Variants in CCSER1 observed in about 807,000 individuals in gnomAD.
CCSER1 encodes the protein coiled-coil serine rich protein 1.
CCSER1 carries 41 observed loss-of-function variants against 82.0 expected under a neutral mutation model. The ratio of observed to expected loss-of-function variants is 0.50; its 90% CI spans 0.39 to 0.65. CCSER1 has a LOEUF of 0.65. Among genes scored for constraint, CCSER1 ranks in the 30% least tolerant of loss-of-function variants. CCSER1 has a pLI of 0.00. For missense variants in CCSER1, 1,119 were observed against 1,064.2 expected, an observed-to-expected ratio of 1.05 and a Z score of -0.72; for synonymous variants, 414 against 383.9, an observed-to-expected ratio of 1.08 and a Z score of -0.92.
At chr4:90,729,134 T>C (rs1744247605) in intron 7 of CCSER1, among the ~76,000 whole-genome samples, 1 of 152,148 alleles carries the variant, frequency 6.6e-6, no homozygotes, top group East Asian at 1.9e-4. Flanking sequence ...CATTAGGTTC[T>C]TATAAGGTTA....
chr4:90,148,455 A>T (rs2153347676), intron 1 of CCSER1, among the ~76,000 whole-genome samples: 1 of 152,278 alleles, frequency 6.6e-6, no homozygotes, highest in African/African-American at 2.4e-5. Context: ...TATAAAACAA[A>T]CAAAAGGCAC....
intron 6 of CCSER1, among the ~76,000 whole-genome samples, chr4:90,703,292 T>G (rs1738551639): frequency 6.6e-6 from 1 of 152,246 alleles, no homozygotes; most frequent in African/African-American, 2.4e-5. Flanking sequence ...TTTGAGTGAC[T>G]TTCTTAATCC....
At chr4:91,376,387 T>C (rs1750413928) in intron 10 of CCSER1, among the ~76,000 whole-genome samples, 1 of 152,246 alleles carries the variant, frequency 6.6e-6, no homozygotes, top group East Asian at 1.9e-4. Context: ...TGTAACACAA[T>C]GGGAAGTATT....
At chr4:91,443,111 T>A (rs865823708) in intron 10 of CCSER1, among the ~76,000 whole-genome samples, 1 of 152,152 alleles carries the variant, frequency 6.6e-6, no homozygotes, top group Middle Eastern at 3.4e-3. Context: ...GACCCAGCCA[T>A]CCCATTACTG....
Position 90,889,747 on chromosome 4 carries a change from A to G in CCSER1, c.2095-33623A>G, listed in dbSNP as rs944992428. Among the ~76,000 whole-genome samples the G allele has an allele frequency of 2.4e-4, 36 of 152,178 alleles. 1 individual carries two copies. The highest frequency in any genetic ancestry group is 7.4e-5 in the Non-Finnish European group (5 of 68,012). ...AGCATGGATGATCCTTGATGACATT[A>G]TGCTAGCAGTGTCATACATTCTAAC... On this transcript the variant is annotated intron_variant, in intron 8 of 10. Coordinates refer to ENST00000509176, the MANE Select transcript of CCSER1 (RefSeq NM_001145065.2).
At chr4:90,881,994 C>G (rs925141240) in intron 8 of CCSER1, among the ~76,000 whole-genome samples, 2 of 152,052 alleles carry the variant, frequency 1.3e-5, no homozygotes. Context: ...GAAGAAATAA[C>G]TACTACATTA....
At chr4:90,941,736 T>C (rs1318341591) in intron 9 of CCSER1, among the ~76,000 whole-genome samples, 1 of 152,202 alleles carries the variant, frequency 6.6e-6, no homozygotes, top group Non-Finnish European at 1.5e-5. Context: ...CAATATTATA[T>C]GCTGGCACCT....
At chr4:91,361,978 C>T (rs1479465627) in intron 10 of CCSER1, among the ~76,000 whole-genome samples, 1 of 151,722 alleles carries the variant, frequency 6.6e-6, no homozygotes, top group African/African-American at 2.4e-5. Flanking sequence ...CAAAAAACCT[C>T]TCTGAGCAGA....
Position 91,548,573 on chromosome 4 carries a change from T to A in CCSER1, c.2218-49999T>A, listed in dbSNP as rs1019619339. Among the ~76,000 whole-genome samples the A allele has an allele frequency of 3.3e-5, 5 of 152,078 alleles. 1 individual carries two copies. Among genetic ancestry groups the A allele is most frequent in the Admixed American group, 3.3e-4 (5 of 15,252 alleles). ...CAACAAATTCCTTCAATTTTTTTTT[T>A]TTTGAAAGTCTTTATTTCTCCTTCA... On this transcript the variant is annotated intron_variant, in intron 10 of 10. Transcript: ENST00000509176.
chr4:90,835,188 G>A lies in CCSER1; in HGVS notation c.2094+19343G>A, dbSNP rs972438066. ...CTACTAAAAATACAAAAAATTAGCCGGGCGTGGTGGTGGACGCCTGTAGTC... is the reference window on the plus strand; with the variant it reads ...CTACTAAAAATACAAAAAATTAGCCAGGCGTGGTGGTGGACGCCTGTAGTC... On this transcript the variant is annotated intron_variant, in intron 8 of 10. Coordinates refer to ENST00000509176, the MANE Select transcript of CCSER1 (RefSeq NM_001145065.2). Among the ~76,000 whole-genome samples, 14 of 152,118 alleles carry A rather than the reference G, an allele frequency of 9.2e-5. No homozygotes were observed. The East Asian group carries it at 1.4e-3, about 15-fold the overall frequency.
chr4:91,079,903 C>A (rs1385218861), intron 9 of CCSER1, among the ~76,000 whole-genome samples: 1 of 152,054 alleles, frequency 6.6e-6, no homozygotes, highest in Non-Finnish European at 1.5e-5. Context: ...ACAGGAGCAC[C>A]CAGATTCATG....
chr4:90,258,093 G>A (rs1419340270), intron 1 of CCSER1, among the ~76,000 whole-genome samples: 5 of 152,130 alleles, frequency 3.3e-5, no homozygotes, highest in Non-Finnish European at 5.9e-5. Context: ...GAAAGGAAGC[G>A]ATCTCAAACT....
At chr4:91,474,818 C>CATATATATATATATATATAT (rs1560700803) in intron 10 of CCSER1, among the ~76,000 whole-genome samples, 4 of 142,138 alleles carry the variant, frequency 2.8e-5, no homozygotes, top group African/African-American at 1.1e-4. Context: ...TATATACACA[C>CATATATATATATATATATAT]ACACACACAC....
intron 9 of CCSER1, among the ~76,000 whole-genome samples, chr4:90,957,418 T>C (rs1023394562): frequency 2.1e-5 from 3 of 145,250 alleles, no homozygotes; most frequent in Admixed American, 7.1e-5. Flanking sequence ...ATATTTCTAA[T>C]TGAGGTGACT....
chr4:90,660,858 A>G (rs1730637382), intron 6 of CCSER1, among the ~76,000 whole-genome samples: 1 of 152,192 alleles, frequency 6.6e-6, no homozygotes, highest in Non-Finnish European at 1.5e-5. Flanking sequence ...CAATCTTAGA[A>G]TGCTTCCAAT....
chr4:90,665,147 G>A (rs577638181), intron 6 of CCSER1, among the ~76,000 whole-genome samples: 2 of 152,046 alleles, frequency 1.3e-5, no homozygotes, highest in Admixed American at 1.3e-4. Context: ...ATATTAGGTG[G>A]TAGGATATAG....
At chr4:90,557,032 T>C (rs564665410) in intron 5 of CCSER1, among the ~76,000 whole-genome samples, 118 of 152,068 alleles carry the variant, frequency 7.8e-4, no homozygotes, top group African/African-American at 2.7e-3. Context: ...TATTGAAAAG[T>C]ATGCAATATA....
At chr4:91,322,237 C>A (rs1174094456) in intron 10 of CCSER1, among the ~76,000 whole-genome samples, 3 of 152,046 alleles carry the variant, frequency 2.0e-5, no homozygotes, top group Admixed American at 2.0e-4. Flanking sequence ...CTTTAAGAAT[C>A]TCTCCCCTCA....
At position 90,488,267 on chromosome 4, in the gene CCSER1, C is replaced by T. The variant is rs149695253; in HGVS notation, c.1724+19913C>T. 9.7e-4 allele frequency among the ~76,000 whole-genome samples: 147 copies of T among 152,210 alleles called. 1 individual carries two copies. The East Asian group carries it at 0.019, about 20-fold the overall frequency. Reference sequence around the variant, plus strand: ...CGTGATCTCAGCACACTGCAAGCTCCGCCTCGGCCTCCATGGTTCACACCA... The same window carrying T: ...CGTGATCTCAGCACACTGCAAGCTCTGCCTCGGCCTCCATGGTTCACACCA... On this transcript the variant is annotated intron_variant, in intron 5 of 10. Coordinates refer to ENST00000509176, the MANE Select transcript of CCSER1 (RefSeq NM_001145065.2).
Sources: gnomAD v4.1 joint callset for allele counts (sites outside exome capture counted in the v4.1 genomes callset) on GRCh38, gnomAD v4.1.1 for gene constraint, MANE v1.5 for transcripts, NCBI Gene and HGNC (gene_info 2026-07-23, HGNC 2026-07-21) for gene names.